The following DPYD variants were observed in gnomAD, a reference collection of about 807,000 sequenced individuals.
DPYD encodes dihydropyrimidine dehydrogenase [NADP(+)].
DPYD carries 109 observed loss-of-function variants against 116.2 expected under a neutral mutation model. The ratio of observed to expected loss-of-function variants is 0.94; its 90% CI spans 0.80 to 1.10. DPYD has a LOEUF of 1.10. Ranked by LOEUF, DPYD falls within the 50% of genes least tolerant of loss-of-function variation. The probability of loss-of-function intolerance (pLI) is 0.00; values close to 1 mark genes in which losing one functional copy is unlikely to be tolerated. For missense variants in DPYD, 1,302 were observed against 1,254.5 expected (o/e 1.04, Z -0.57); for synonymous variants, 440 against 432.0 (o/e 1.02, Z -0.23).
intron 1 of DPYD, among the ~76,000 whole-genome samples, chr1:97,888,456 C>T (rs1185051317): frequency 2.0e-5 from 3 of 151,452 alleles, no homozygotes; most frequent in South Asian, 2.1e-4. Flanking sequence ...GTTACACTGG[C>T]TTAAAATTTG....
chr1:97,389,926 G>C (rs1029302898), intron 14 of DPYD, among the ~76,000 whole-genome samples: 1 of 148,880 alleles, frequency 6.7e-6, no homozygotes, highest in South Asian at 2.1e-4. Context: ...TTAAATAAAA[G>C]AATCAAATTT....
At chr1:97,253,335 A>G (rs1663233740) in intron 18 of DPYD, among the ~76,000 whole-genome samples, 2 of 152,172 alleles carry the variant, frequency 1.3e-5, no homozygotes, top group Admixed American at 6.5e-5. Flanking sequence ...TTCTTTCTGG[A>G]GCATTTTTAC....
At chr1:97,408,633 C>T (rs1673805209) in intron 14 of DPYD, among the ~76,000 whole-genome samples, 2 of 152,194 alleles carry the variant, frequency 1.3e-5, no homozygotes, top group Non-Finnish European at 2.9e-5. Context: ...TGAGTGTCAA[C>T]TGGATTGGAT....
intron 20 of DPYD, among the ~76,000 whole-genome samples, chr1:97,167,958 T>G (rs1656445126): frequency 6.6e-6 from 1 of 152,202 alleles, no homozygotes; most frequent in Non-Finnish European, 1.5e-5. Context: ...TCTCATTTAA[T>G]AGTCATAAGT....
chr1:97,478,478 G>A (rs1445335535), intron 13 of DPYD, among the ~76,000 whole-genome samples: 1 of 152,054 alleles, frequency 6.6e-6, no homozygotes, highest in Non-Finnish European at 1.5e-5. Flanking sequence ...AGTAGAGACG[G>A]GTTTTCACCA....
At chr1:97,851,986 G>C (rs991656372) in intron 2 of DPYD, among the ~76,000 whole-genome samples, 2 of 29,342 alleles carry the variant, frequency 6.8e-5, no homozygotes, top group Non-Finnish European at 1.8e-4. Context: ...TTAAAGTATA[G>C]AAAAAAAAAA....
In DPYD at chr1:97,717,820, A is replaced by ATG. The variant is rs140667694; in HGVS notation, c.483+3688_483+3689dup. On this transcript the variant is annotated intron_variant, in intron 5 of 22. Transcript: ENST00000370192. ...GTAGTATTCCATGGTGTGTGTGTGCATGTGTGTGTGTGTGTGTTTGTATCA... is the reference window on the plus strand; with the variant it reads ...GTAGTATTCCATGGTGTGTGTGTGCATGTGTGTGTGTGTGTGTGTTTGTATCA... Among the ~76,000 whole-genome samples the ATG allele has an allele frequency of 8.4e-3, 1,258 of 150,408 alleles. 16 individuals carry two copies. The highest frequency in any genetic ancestry group is 0.026 in the African/African-American group (1,082 of 41,124).
At chr1:97,492,491 C>G (rs1342593467) in intron 13 of DPYD, among the ~76,000 whole-genome samples, 1 of 152,136 alleles carries the variant, frequency 6.6e-6, no homozygotes, top group Non-Finnish European at 1.5e-5. Flanking sequence ...TAGAACCACC[C>G]TTGCATGCTT....
chr1:97,163,326 T>G (rs777452016), intron 20 of DPYD, among the ~76,000 whole-genome samples: 8 of 152,166 alleles, frequency 5.3e-5, no homozygotes, highest in African/African-American at 1.7e-4. Context: ...GTGAAGGACA[T>G]GAACAGACAC....
At chr1:97,817,464 T>C (rs1668682967) in intron 3 of DPYD, among the ~76,000 whole-genome samples, 1 of 152,020 alleles carries the variant, frequency 6.6e-6, no homozygotes, top group Non-Finnish European at 1.5e-5. Flanking sequence ...ATGAGAAATA[T>C]TATAACTAAA....
intron 8 of DPYD, among the ~76,000 whole-genome samples, chr1:97,601,808 C>T (rs954320022): frequency 2.0e-5 from 3 of 151,966 alleles, no homozygotes; most frequent in Admixed American, 6.5e-5. Context: ...GCGTTTAGTA[C>T]TGAGTGTTCA....
chr1:97,179,551 AGGCATGGTCTT>A (rs1379918490), intron 20 of DPYD, among the ~76,000 whole-genome samples: 2 of 152,174 alleles, frequency 1.3e-5, no homozygotes, highest in Non-Finnish European at 2.9e-5. Context: ...AATCTTCAAA[AGGCATGGTCTT>A]GACAGTGAAA....
chr1:97,603,125 GAAGTAAGGGTAA>G (rs1655369414), intron 8 of DPYD, among the ~76,000 whole-genome samples: 1 of 151,886 alleles, frequency 6.6e-6, no homozygotes, highest in Admixed American at 6.6e-5. Context: ...CCCGCATTGT[GAAGTAAGGGTAA>G]GCAAAAATCT....
intron 12 of DPYD, among the ~76,000 whole-genome samples, chr1:97,538,592 T>C (rs1215252963): frequency 3.3e-5 from 5 of 152,216 alleles, no homozygotes; most frequent in Admixed American, 2.6e-4. Context: ...AAGACATCTA[T>C]GATAGTTCTC....
At position 97,273,441 on chromosome 1, in the gene DPYD, A is replaced by G. The variant is rs535317347; in HGVS notation, c.2299+31818T>C. 5.3e-5 allele frequency among the ~76,000 whole-genome samples: 8 copies of G among 152,214 alleles called. No homozygotes were observed. The South Asian group carries it at 1.2e-3, about 24-fold the overall frequency. Reference sequence around the variant, plus strand: ...AAACTACTCCCTCTCACAAGATACCACTTTTTAATATAGTACAATTACCTC... The same window carrying G: ...AAACTACTCCCTCTCACAAGATACCGCTTTTTAATATAGTACAATTACCTC... On this transcript the variant is annotated intron_variant, in intron 18 of 22. Transcript: ENST00000370192.
chr1:97,631,358 A>G (rs1293789582), intron 8 of DPYD, among the ~76,000 whole-genome samples: 2 of 152,192 alleles, frequency 1.3e-5, no homozygotes, highest in East Asian at 3.9e-4. Flanking sequence ...AGCAAACCCT[A>G]TTTGTTGTTG....
intron 8 of DPYD, among the ~76,000 whole-genome samples, chr1:97,674,057 A>G (rs1425716374): frequency 6.6e-6 from 1 of 152,144 alleles, no homozygotes; most frequent in African/African-American, 2.4e-5. Context: ...GAGCTATGGA[A>G]GAGTTTTAGT....
At chr1:97,112,510 G>A (rs751199134) in intron 20 of DPYD, among the ~76,000 whole-genome samples, 31 of 152,120 alleles carry the variant, frequency 2.0e-4, no homozygotes, top group Admixed American at 5.9e-4. Flanking sequence ...GTGGGGGTTA[G>A]GGAAGATGCT....
At chr1:97,365,417 C>A (rs930551632) in intron 16 of DPYD, among the ~76,000 whole-genome samples, 3 of 152,170 alleles carry the variant, frequency 2.0e-5, no homozygotes, top group African/African-American at 7.2e-5. Context: ...CATAGCCTCT[C>A]CTCCATCTCA....
Sources: allele counts gnomAD v4.1 joint callset (sites outside exome capture counted in the v4.1 genomes callset), GRCh38; gene constraint gnomAD v4.1.1; transcripts MANE v1.5; gene names NCBI Gene and HGNC (gene_info 2026-07-23, HGNC 2026-07-21).